Variants in OTUD7B observed in about 807,000 individuals in gnomAD.
OTUD7B encodes the protein OTU deubiquitinase 7B.
OTUD7B carries 34 observed loss-of-function variants against 82.2 expected under a neutral mutation model. The observed-to-expected ratio is 0.41, with a 90% CI of 0.31 to 0.55. The LOEUF is 0.55. Ranked by LOEUF, OTUD7B falls within the 20% of genes least tolerant of loss-of-function variation. The pLI is 0.20. For missense variants in OTUD7B, 944 were observed against 1,062.1 expected, an observed-to-expected ratio of 0.89 and a Z score of 1.55; for synonymous variants, 398 against 402.7, an observed-to-expected ratio of 0.99 and a Z score of 0.14.
chr1:150,062,019 A>T, the OTUD7B span, among the ~76,000 whole-genome samples: 1 of 152,160 alleles, frequency 6.6e-6, no homozygotes, highest in Non-Finnish European at 1.5e-5. Context: ...CTGTCTGTAC[A>T]TTCCCCTAAT....
At chr1:149,986,237 TCACACACACA>T (rs34962941) in intron 1 of OTUD7B, among the ~76,000 whole-genome samples, 10 of 136,592 alleles carry the variant, frequency 7.3e-5, no homozygotes, top group South Asian at 2.4e-4. Flanking sequence ...TGGTACCCCA[TCACACACACA>T]CACACACACA....
chr1:149,955,301 C>A (rs1303613629), intron 7 of OTUD7B, among the ~76,000 whole-genome samples: 1 of 152,110 alleles, frequency 6.6e-6, no homozygotes, highest in East Asian at 1.9e-4. Flanking sequence ...CATTATGTAC[C>A]CAGTAGTCAT....
intron 4 of OTUD7B, 31 bp downstream of exon 4, chr1:149,967,263 G>C: frequency 1.3e-6 from 2 of 1,485,860 alleles, no homozygotes; most frequent in Non-Finnish European, 1.9e-6. Flanking sequence ...AGAGTAGAGG[G>C]AAGAGTGTGG....
chr1:149,956,035 A>G (rs1648641689), intron 7 of OTUD7B, among the ~76,000 whole-genome samples: 1 of 152,120 alleles, frequency 6.6e-6, no homozygotes, highest in Admixed American at 6.6e-5. Flanking sequence ...GCCCATTTAC[A>G]TTTAAGGTTA....
chr1:149,946,276 T>A (rs910649287), intron 11 of OTUD7B, among the ~76,000 whole-genome samples: 2 of 151,278 alleles, frequency 1.3e-5, no homozygotes, highest in Non-Finnish European at 2.9e-5. Context: ...GGCAGGAGAA[T>A]CGCTTGAACC....
chr1:150,026,814 A>G, the OTUD7B span, among the ~76,000 whole-genome samples: 1 of 152,208 alleles, frequency 6.6e-6, no homozygotes, highest in Non-Finnish European at 1.5e-5. Context: ...CCATAAAAAT[A>G]AATCCACCCT....
chr1:150,050,452 C>T, the OTUD7B span: 36 of 152,256 alleles, frequency 2.4e-4, no homozygotes, highest in African/African-American at 8.7e-4. Context: ...TGCAGTCAGA[C>T]ATGAATGGAA....
chr1:149,989,381 G>A (rs1651403217), intron 1 of OTUD7B, among the ~76,000 whole-genome samples: 1 of 150,280 alleles, frequency 6.7e-6, no homozygotes, highest in Non-Finnish European at 1.5e-5. Flanking sequence ...GCTGAGGCAG[G>A]AGAATTGCTT....
chr1:150,037,567 C>T, the OTUD7B span, among the ~76,000 whole-genome samples: 2 of 152,094 alleles, frequency 1.3e-5, no homozygotes, highest in Non-Finnish European at 2.9e-5. Flanking sequence ...TGTTCTCTCA[C>T]TACAGATGAA....
intron 3 of OTUD7B, among the ~76,000 whole-genome samples, chr1:149,970,138 A>AT (rs1282325909): frequency 6.8e-6 from 1 of 146,280 alleles, no homozygotes; most frequent in East Asian, 2.3e-4. Context: ...TGGACATTAA[A>AT]TGTTTTCAGG....
At chr1:149,958,893 C>T (rs972847545) in intron 7 of OTUD7B, among the ~76,000 whole-genome samples, 2 of 133,608 alleles carry the variant, frequency 1.5e-5, no homozygotes, top group Middle Eastern at 3.6e-3. Flanking sequence ...TATAGGCATG[C>T]ACCACCATGC....
Position 149,944,123 on chromosome 1 carries a change from T to TA in OTUD7B, c.2265dup (p.Lys756Ter), listed in dbSNP as rs782222539. The TA allele has an allele frequency of 1.9e-6, 3 of 1,613,900 alleles. No individual in the cohort carries two copies. In the African/African-American group the frequency reaches 4.0e-5, roughly 22 times the overall value. On this transcript the variant is annotated frameshift_variant, in exon 12 of 12. Coordinates refer to ENST00000581312, the MANE Select transcript of OTUD7B (RefSeq NM_020205.4). LOFTEE classifies it high-confidence loss of function. ...AAGGCACCCCTGTGAAGTCCATCCT[T>TA]AGAGTGGCTGCCTGGCTCCAGAGAA...
At position 149,980,874 on chromosome 1, in the gene OTUD7B, A is replaced by AT. The variant is rs1650671858; in HGVS notation, c.-66-3299dup. 2.0e-5 allele frequency among the ~76,000 whole-genome samples: 3 copies of AT among 152,042 alleles called. No individual in the cohort carries two copies. The South Asian group carries it at 6.2e-4, about 32-fold the overall frequency. ...AAAACCTTTTTTAAACTAATTAAGC[A>AT]TGGTCGTGTGTGCCTGTAGTCCCAG... On this transcript the variant is annotated intron_variant, in intron 1 of 11. Transcript: ENST00000581312.
At chr1:150,050,151 G>A in the OTUD7B span, among the ~76,000 whole-genome samples, 12 of 151,700 alleles carry the variant, frequency 7.9e-5, no homozygotes, top group Non-Finnish European at 1.3e-4. Flanking sequence ...CCATGATTGC[G>A]CCACTGTACT....
chr1:149,972,752 T>C (rs1553777860), intron 2 of OTUD7B, among the ~76,000 whole-genome samples: 2 of 152,238 alleles, frequency 1.3e-5, no homozygotes, highest in African/African-American at 4.8e-5. Flanking sequence ...GTTGAATTAA[T>C]GGATAACTCT....
At chr1:149,969,203 C>G (rs1553777222) in intron 3 of OTUD7B, among the ~76,000 whole-genome samples, 4 of 152,048 alleles carry the variant, frequency 2.6e-5, no homozygotes, top group Non-Finnish European at 4.4e-5. Flanking sequence ...CGTGCCCATG[C>G]TCCCAGCTAC....
intron 1 of OTUD7B, among the ~76,000 whole-genome samples, chr1:149,980,251 G>A (rs1553779391): frequency 6.6e-6 from 1 of 150,744 alleles, no homozygotes; most frequent in Non-Finnish European, 1.5e-5. Context: ...AAAATTTGAA[G>A]CACTAAGCCA....
the OTUD7B span, among the ~76,000 whole-genome samples, chr1:150,034,737 C>T: frequency 6.6e-6 from 1 of 152,064 alleles, no homozygotes; most frequent in African/African-American, 2.4e-5. Context: ...TATTGTTATG[C>T]CATTAGATTT....
chr1:149,944,114 G>T lies in OTUD7B; in HGVS notation c.2275C>A (p.Leu759Ile). 2 of 1,614,118 alleles carry T rather than the reference G, an allele frequency of 1.2e-6. No individual in the cohort carries two copies. Among genetic ancestry groups the T allele is most frequent in the Non-Finnish European group, 8.5e-7 (1 of 1,180,002 alleles). ...GGTGGTAACAAGGCACCCCTGTGAAGTCCATCCTTAGAGTGGCTGCCTGGC... is the reference window on the plus strand; with the variant it reads ...GGTGGTAACAAGGCACCCCTGTGAATTCCATCCTTAGAGTGGCTGCCTGGC... ...LEPGSHSKDG[L>I]HRGALLPPPY... Residue 759 changes from leucine to isoleucine, a missense_variant, in exon 12 of 12, where the codon CTT becomes ATT. Physicochemically the swap from Leu to Ile is conservative, Grantham distance 5. Transcript: ENST00000581312.
Sources: allele counts gnomAD v4.1 joint callset (sites outside exome capture counted in the v4.1 genomes callset), GRCh38; gene constraint gnomAD v4.1.1; transcripts MANE v1.5; gene names NCBI Gene and HGNC (gene_info 2026-07-23, HGNC 2026-07-21).